INTS1: variants seen among roughly 807,000 people sequenced by gnomAD.
The protein encoded by INTS1 is integrator complex subunit 1.
Under a neutral mutation model 241.6 loss-of-function variants are expected in INTS1, and 137 were observed. The observed-to-expected ratio is 0.57, with a 90% CI of 0.49 to 0.65. The LOEUF (loss-of-function observed/expected upper bound fraction) is 0.65, where lower values mean the gene tolerates loss of function less well. Among genes scored for constraint, INTS1 ranks in the 30% least tolerant of loss-of-function variants. The pLI, the probability that INTS1 is intolerant of heterozygous loss-of-function variation, is 0.00. For synonymous variants in INTS1, 1,692 were observed against 1,337.8 expected, an observed-to-expected ratio of 1.26 and a Z score of -5.78; for missense variants, 3,073 against 3,032.2, an observed-to-expected ratio of 1.01 and a Z score of -0.32.
At chr7:1,475,868 C>CACTGTG in intron 39 of INTS1, 80 bp downstream of exon 39, 1 of 1,485,998 alleles carries the variant, frequency 6.7e-7, no homozygotes, top group Non-Finnish European at 9.0e-7. Flanking sequence ...TGGCCATGTA[C>CACTGTG]ACTGTGGCCT....
At position 1,485,211 on chromosome 7, in the gene INTS1, G is replaced by T. The variant is rs1476264402; in HGVS notation, c.3157-9C>A. ...GTCTCCATGTGGATTGCCTGGAGGG[G>T]AGGGTGGTCTGAGCGGCAACAGGGC... On this transcript the variant is annotated splice_polypyrimidine_tract_variant and intron_variant, in intron 23 of 47. Transcript: ENST00000404767. The T allele has an allele frequency of 1.3e-6, 2 of 1,599,562 alleles. No homozygotes were observed. Among genetic ancestry groups the T allele is most frequent in the African/African-American group, 1.3e-5 (1 of 74,910 alleles).
chr7:1,476,759 C>G, intron 36 of INTS1, 35 bp downstream of exon 36: 2 of 1,612,364 alleles, frequency 1.2e-6, no homozygotes, highest in Non-Finnish European at 1.7e-6. Context: ...GGCCAGTATG[C>G]GCGCAGCCCA....
rs570307226 is a variant in INTS1 at position 1,477,945 on chromosome 7, G to A, written c.4631-9C>T. ...GATCAGCCCCTGGAGGACTGCGCAA[G>A]GGACAAAGAGACATGTGGGTCACTC... On this transcript the variant is annotated splice_polypyrimidine_tract_variant and intron_variant, in intron 33 of 47. Transcript: ENST00000404767. 19 of 1,611,536 alleles carry A rather than the reference G, an allele frequency of 1.2e-5. No homozygotes were observed. Among genetic ancestry groups the A allele is most frequent in the East Asian group, 6.7e-5 (3 of 44,854 alleles).
Position 1,484,168 on chromosome 7 carries a change from G to A in INTS1, c.3264C>T (p.Asp1088=), listed in dbSNP as rs377762908. ...EQAQHSDLAL[D]VARLVVERST... is the part of the protein sequence containing the mutation. The stretch of plus-strand genomic sequence containing the variant: ...AGCGCTCCACGACCAGCCGGGCCAC[G>A]TCCTGGTGTGTGGACAGGGGGGCGT... Residue 1088 remains aspartate (D), a splice_region_variant and synonymous_variant, in exon 25 of 48, where the codon GAC becomes GAT. Coordinates refer to ENST00000404767, the MANE Select transcript of INTS1 (RefSeq NM_001080453.3). 110 of 1,607,272 alleles carry A rather than the reference G, an allele frequency of 6.8e-5. No homozygotes were observed. Among genetic ancestry groups the A allele is most frequent in the African/African-American group, 1.5e-4 (11 of 74,870 alleles).
chr7:1,498,222 G>A (rs1455112342), intron 10 of INTS1, 190 bp downstream of exon 10: 3 of 808,440 alleles, frequency 3.7e-6, no homozygotes, highest in South Asian at 1.8e-5. Flanking sequence ...GCTGGGCGCT[G>A]TGGCTGCACC....
chr7:1,480,237 T>C, intron 30 of INTS1, 80 bp downstream of exon 30: 6 of 1,470,906 alleles, frequency 4.1e-6, no homozygotes, highest in Non-Finnish European at 5.5e-6. Flanking sequence ...TAAAGGCCGC[T>C]GTGCGTGCGA....
Position 1,486,704 on chromosome 7 carries a change from T to C in INTS1, c.2897A>G (p.Gln966Arg). The C allele has an allele frequency of 6.2e-7, 1 of 1,612,752 alleles. No individual in the cohort carries two copies. Among genetic ancestry groups the C allele is most frequent in the Non-Finnish European group, 8.5e-7 (1 of 1,179,824 alleles). ...GTAGTCCAGCACCTCACACGTGGTC[T>C]GCTCATCAGCCTTCGGGCCCAGTAG... Reference protein sequence around the residue: ...DLLLGPKADEQTTCEVLDYFL... With the variant: ...DLLLGPKADERTTCEVLDYFL... Residue 966 changes from glutamine to arginine, a missense_variant, in exon 22 of 48, where the codon CAG (glutamine) becomes CGG (arginine). Gln to Arg is a conservative substitution (Grantham distance 43). Transcript: ENST00000404767.
At chr7:1,495,194 A>T (rs1782785008) in intron 13 of INTS1, among the ~76,000 whole-genome samples, 1 of 152,196 alleles carries the variant, frequency 6.6e-6, no homozygotes, top group Admixed American at 6.5e-5. Context: ...GCTCCACGGG[A>T]GGCTCCAATG....
chr7:1,495,023 C>T (rs889589895), intron 13 of INTS1, 130 bp from the exon 14 acceptor site: 44 of 1,035,582 alleles, frequency 4.2e-5, no homozygotes, highest in Admixed American at 1.0e-4. Flanking sequence ...TGCCCAAGCT[C>T]AGCACCTCCT....
At chr7:1,473,843 G>A in intron 41 of INTS1, 150 bp from the exon 42 acceptor site, 2 of 1,036,714 alleles carry the variant, frequency 1.9e-6, no homozygotes, top group Non-Finnish European at 2.8e-6. Flanking sequence ...AGGCCCAAGG[G>A]TGGCCGGCAT....
At chr7:1,473,754 T>C (rs933777725) in intron 41 of INTS1, 61 bp from the exon 42 acceptor site, 2 of 1,587,906 alleles carry the variant, frequency 1.3e-6, no homozygotes, top group Non-Finnish European at 1.7e-6. Flanking sequence ...ACAGAGCCTG[T>C]GCTCCCATCT....
chr7:1,471,672 G>A, intron 44 of INTS1, 31 bp from the exon 45 acceptor site: 4 of 1,607,920 alleles, frequency 2.5e-6, no homozygotes, highest in South Asian at 1.1e-5. Context: ...GACCAGAACT[G>A]AAGGGCCCAG....
chr7:1,487,312 G>T lies in INTS1; in HGVS notation c.2646+8C>A. On this transcript the variant is annotated splice_region_variant and intron_variant, in intron 20 of 47. Transcript: ENST00000404767. ...ACCATCTCTACCTCCTGGAGCCTCG[G>T]CACTCACCTGCCGCTGGATGATGTG... is the stretch of plus-strand genomic sequence containing the variant. The T allele has an allele frequency of 6.3e-7, 1 of 1,585,078 alleles. No homozygotes were observed. The highest frequency in any genetic ancestry group is 1.8e-5 in the Admixed American group (1 of 55,764).
At chr7:1,490,834 G>A (rs1299462343) in intron 16 of INTS1, among the ~76,000 whole-genome samples, 2 of 152,236 alleles carry the variant, frequency 1.3e-5, no homozygotes, top group Admixed American at 1.3e-4. Flanking sequence ...CCTTATAGAG[G>A]ATGGACACAT....
chr7:1,504,106 G>A, intron 1 of INTS1, 105 bp from the exon 2 acceptor site: 3 of 625,610 alleles, frequency 4.8e-6, no homozygotes, highest in Admixed American at 3.7e-5. Flanking sequence ...CGGGGACAGT[G>A]GTCCCGCGCC....
intron 2 of INTS1, 45 bp downstream of exon 2, chr7:1,503,858 G>GTCCCCCAAAT: frequency 7.0e-7 from 1 of 1,431,844 alleles, no homozygotes; most frequent in Non-Finnish European, 9.6e-7. Flanking sequence ...GACCCCCAAA[G>GTCCCCCAAAT]ACCCCCAAAG....
intron 44 of INTS1, 38 bp downstream of exon 44, chr7:1,472,235 G>A: frequency 6.9e-7 from 1 of 1,449,568 alleles, no homozygotes; most frequent in South Asian, 1.2e-5. Flanking sequence ...GGGACCCAGG[G>A]CGCTGACCTG....
In INTS1 at chr7:1,499,002, C is replaced by T. The variant is rs1227397403; in HGVS notation, c.1110G>A (p.Lys370=). Reference sequence around the variant, plus strand: ...TGGGGTTCTGCAGCCACATCTCCAGCTTCTGCACCGCCAGCAGCCGCACCT... The same window carrying T: ...TGGGGTTCTGCAGCCACATCTCCAGTTTCTGCACCGCCAGCAGCCGCACCT... ...YKEVRLLAVQ[K]LEMWLQNPKL... is the part of the protein sequence containing the mutation. The change falls in exon 8 of 48, where the codon AAG becomes AAA. Residue 370 remains lysine (K), a synonymous_variant. Coordinates refer to ENST00000404767, the MANE Select transcript of INTS1 (RefSeq NM_001080453.3). 2 of 1,547,476 alleles carry T rather than the reference C, an allele frequency of 1.3e-6. No individual in the cohort carries two copies. Among genetic ancestry groups the T allele is most frequent in the Non-Finnish European group, 1.7e-6 (2 of 1,147,412 alleles).
chr7:1,501,118 C>T (rs1372479351), intron 3 of INTS1: 2 of 151,948 alleles, frequency 1.3e-5, no homozygotes, highest in African/African-American at 2.4e-5. Context: ...AACCCTGTCT[C>T]TACTAGAAAT....
Sources: gnomAD v4.1 joint callset for allele counts (sites outside exome capture counted in the v4.1 genomes callset) on GRCh38, gnomAD v4.1.1 for gene constraint, MANE v1.5 for transcripts, NCBI Gene and HGNC (gene_info 2026-07-23, HGNC 2026-07-21) for gene names.